The following BCO2 variants were observed in gnomAD, a reference collection of about 807,000 sequenced individuals.
The protein encoded by BCO2 is carotenoid-cleaving dioxygenase, mitochondrial.
Under a neutral mutation model 65.8 loss-of-function variants are expected in BCO2, and 56 were observed. The ratio of observed to expected loss-of-function variants is 0.85; its 90% CI spans 0.69 to 1.06. BCO2 has a LOEUF of 1.06. Ranked by LOEUF, BCO2 falls within the 50% of genes least tolerant of loss-of-function variation. The pLI, the probability that BCO2 is intolerant of heterozygous loss-of-function variation, is 0.00. For synonymous variants in BCO2, 233 were observed against 242.3 expected, an observed-to-expected ratio of 0.96 and a Z score of 0.36; for missense variants, 675 against 698.5, an observed-to-expected ratio of 0.97 and a Z score of 0.38.
intron 11 of BCO2, among the ~76,000 whole-genome samples, 172 bp from the exon 12 acceptor site, chr11:112,217,589 G>A (rs1237642239): frequency 6.6e-6 from 1 of 152,068 alleles, no homozygotes; most frequent in African/African-American, 2.4e-5. Flanking sequence ...CTTCAACCAT[G>A]ATCTCAAGCA....
intron 11 of BCO2, 85 bp downstream of exon 11, chr11:112,216,415 T>C: frequency 3.2e-6 from 3 of 926,742 alleles, no homozygotes; most frequent in South Asian, 2.8e-5. Flanking sequence ...CATCTGTCGA[T>C]AGTTTACTTT....
At chr11:112,215,238 A>G in intron 10 of BCO2, 2 of 380,288 alleles carry the variant, frequency 5.3e-6, no homozygotes, top group South Asian at 5.2e-5. Context: ...GGCAAATTAT[A>G]GTTACACAAA....
In BCO2 at chr11:112,193,564, T is replaced by A; in HGVS notation, c.384T>A (p.Ser128Arg). The change falls in exon 3 of 12, where the codon AGT (serine) becomes AGA (arginine). Residue 128 changes from serine to arginine, a missense_variant. Ser to Arg is a moderately radical substitution (Grantham distance 110). Transcript: ENST00000357685. ...TVTYRSKFLQSDTYKANSAKN... is the reference protein window; with the variant it reads ...TVTYRSKFLQRDTYKANSAKN... ...CATACAGGAGCAAGTTTCTACAGAGTGATACATATAAGGCCAACAGTGCTA... is the reference window on the plus strand; with the variant it reads ...CATACAGGAGCAAGTTTCTACAGAGAGATACATATAAGGCCAACAGTGCTA... 1 of 1,614,080 alleles carries A rather than the reference T, an allele frequency of 6.2e-7. No homozygotes were observed. Among genetic ancestry groups the A allele is most frequent in the Non-Finnish European group, 8.5e-7 (1 of 1,180,022 alleles).
At position 112,179,455 on chromosome 11, in the gene BCO2, C is replaced by G; in HGVS notation, c.266C>G (p.Pro89Arg). The G allele has an allele frequency of 6.2e-7, 1 of 1,614,100 alleles. No homozygotes were observed. Among genetic ancestry groups the G allele is most frequent in the Non-Finnish European group, 8.5e-7 (1 of 1,180,020 alleles). ...WLNGSLLRIG[P>R]GKFEFGKDKY... ...AATGGCTCTCTACTTCGAATTGGAC[C>G]TGGGAAATTCGAGTTTGGGAAGGAT... Residue 89 changes from proline (P) to arginine (R), a missense_variant, in exon 2 of 12, where the codon CCT (proline) becomes CGT (arginine). Physicochemically the swap from Pro to Arg is moderately radical, Grantham distance 103. Coordinates refer to ENST00000357685, the MANE Select transcript of BCO2 (RefSeq NM_031938.7).
chr11:112,191,525 C>T (rs1470446666), intron 2 of BCO2, among the ~76,000 whole-genome samples: 1 of 152,144 alleles, frequency 6.6e-6, no homozygotes, highest in African/African-American at 2.4e-5. Context: ...GATTCAACAT[C>T]ATAGAGATGT....
At chr11:112,181,413 C>T in intron 2 of BCO2, 1 of 594,404 alleles carries the variant, frequency 1.7e-6, no homozygotes, top group Non-Finnish European at 3.2e-6. Flanking sequence ...GATCTCCTGA[C>T]CTCGTGATCC....
At chr11:112,211,177 A>G (rs186526235) in intron 8 of BCO2, among the ~76,000 whole-genome samples, 1 of 152,258 alleles carries the variant, frequency 6.6e-6, no homozygotes, top group Admixed American at 6.5e-5. Flanking sequence ...TATTTTAGGT[A>G]CTTCATGTAA....
chr11:112,175,721 C>G (rs1358258428), intron 1 of BCO2, 32 bp downstream of exon 1: 2 of 1,558,204 alleles, frequency 1.3e-6, no homozygotes, highest in Admixed American at 3.3e-5. Flanking sequence ...CTTCCTCATC[C>G]TCCTCTTCTT....
chr11:112,180,050 C>T (rs1285717254), intron 2 of BCO2, among the ~76,000 whole-genome samples: 3 of 152,142 alleles, frequency 2.0e-5, no homozygotes. Flanking sequence ...TAGAGGACCC[C>T]CTAAACACCA....
chr11:112,200,287 T>C (rs937650345), intron 6 of BCO2: 4 of 207,432 alleles, frequency 1.9e-5, no homozygotes, highest in Admixed American at 1.1e-4. Flanking sequence ...AAAGGATACA[T>C]GTAAAGATCA....
chr11:112,206,213 A>C (rs1013453612), intron 8 of BCO2, among the ~76,000 whole-genome samples: 5 of 148,944 alleles, frequency 3.4e-5, no homozygotes, highest in Admixed American at 3.3e-4. Context: ...GGGGCCAGGC[A>C]GAGGCGCTCC....
chr11:112,180,644 G>A, intron 2 of BCO2: 2 of 678,474 alleles, frequency 2.9e-6, no homozygotes, highest in East Asian at 2.7e-5. Context: ...GTGTCCCCAA[G>A]GGCAGAAAGG....
intron 7 of BCO2, 149 bp downstream of exon 7, chr11:112,200,922 C>G: frequency 1.3e-6 from 1 of 799,218 alleles, no homozygotes; most frequent in Non-Finnish European, 2.0e-6. Context: ...GTTGAGCTAG[C>G]TACTTATTAA....
At chr11:112,187,864 A>G (rs994780119) in intron 2 of BCO2, among the ~76,000 whole-genome samples, 5 of 151,924 alleles carry the variant, frequency 3.3e-5, no homozygotes, top group African/African-American at 7.3e-5. Flanking sequence ...CTGTGGGCAT[A>G]TTCCTCTGAA....
chr11:112,186,220 C>A (rs1473654762), intron 2 of BCO2, among the ~76,000 whole-genome samples: 20 of 149,090 alleles, frequency 1.3e-4, no homozygotes, highest in Admixed American at 1.3e-3. Context: ...GAAGGAGAGG[C>A]TGTAATGTAT....
In BCO2 at chr11:112,218,074, A is replaced by T; in HGVS notation, c.*200A>T. ...AGTCCAAACCTCAGCAGCACACAAT[A>T]TACTCATGTAACAAGCCTGCACATG... On this transcript the variant is annotated 3_prime_UTR_variant, in exon 12 of 12. Coordinates refer to ENST00000357685, the MANE Select transcript of BCO2 (RefSeq NM_031938.7). 4.0e-6 allele frequency: 2 copies of T among 496,668 alleles called. No individual in the cohort carries two copies. The highest frequency in any genetic ancestry group is 7.1e-6 in the Non-Finnish European group (2 of 281,484). 30.8% of individuals were successfully genotyped at this position (496,668 alleles called of 1,614,324 possible). A position where few individuals can be genotyped will look rare whatever the true frequency, so the allele number is the denominator to read the frequency against.
chr11:112,193,380 T>C, intron 2 of BCO2, 94 bp from the exon 3 acceptor site: 2 of 1,178,088 alleles, frequency 1.7e-6, no homozygotes, highest in Non-Finnish European at 2.4e-6. Flanking sequence ...CCCATTTCCT[T>C]ATCTTTATAT....
intron 2 of BCO2, chr11:112,179,796 C>T (rs1866982816): frequency 5.6e-6 from 2 of 356,028 alleles, no homozygotes; most frequent in Admixed American, 4.2e-5. Flanking sequence ...AATGTCTCCT[C>T]ATACCACTCT....
chr11:112,214,604 A>T (rs1474965563), intron 9 of BCO2, 158 bp from the exon 10 acceptor site: 2 of 608,690 alleles, frequency 3.3e-6, no homozygotes, highest in South Asian at 2.1e-5. Flanking sequence ...GCATCCACAC[A>T]TATGATGGAA....
Sources: gnomAD v4.1 joint callset for allele counts (sites outside exome capture counted in the v4.1 genomes callset) on GRCh38, gnomAD v4.1.1 for gene constraint, MANE v1.5 for transcripts, NCBI Gene and HGNC (gene_info 2026-07-23, HGNC 2026-07-21) for gene names.